Variants in FYB2 observed in about 807,000 individuals in gnomAD.
FYB2 encodes FYN-binding protein 2.
Under a neutral mutation model 94.1 loss-of-function variants are expected in FYB2, and 103 were observed. That is an observed-to-expected ratio of 1.09 (90% CI 0.93 to 1.29). The LOEUF is 1.29. Ranked by LOEUF, FYB2 falls within the 50% of genes most tolerant of loss-of-function variation. The probability of loss-of-function intolerance (pLI) is 0.00; values close to 1 mark genes in which losing one functional copy is unlikely to be tolerated. For synonymous variants in FYB2, 293 were observed against 287.9 expected (o/e 1.02, Z -0.18); for missense variants, 896 against 841.5 (o/e 1.06, Z -0.80).
At chr1:56,790,283 G>A (rs963924809) in intron 2 of FYB2, among the ~76,000 whole-genome samples, 3 of 152,184 alleles carry the variant, frequency 2.0e-5, no homozygotes, top group East Asian at 3.9e-4. Context: ...CACCCACAGC[G>A]GGTTACATCC....
chr1:56,788,958 T>G lies in FYB2; in HGVS notation c.919+15A>C. 6.2e-7 allele frequency: 1 copy of G among 1,613,948 alleles called. No individual in the cohort carries two copies. Among genetic ancestry groups the G allele is most frequent in the Non-Finnish European group, 8.5e-7 (1 of 1,179,904 alleles). On this transcript the variant is annotated intron_variant, in intron 3 of 19. Transcript: ENST00000343433. ...TCCTGGTTGGCCTTGTGTAGGGCCC[T>G]GTGCATTTCCTTACCTTCCCCCTGA...
intron 13 of FYB2, among the ~76,000 whole-genome samples, chr1:56,739,198 G>A (rs1446791445): frequency 2.0e-5 from 3 of 152,066 alleles, no homozygotes; most frequent in Non-Finnish European, 4.4e-5. Context: ...GAATAGTTTT[G>A]AGAGAAAGGT....
At chr1:56,729,704 A>C (rs1160072162) in intron 15 of FYB2, among the ~76,000 whole-genome samples, 1 of 152,104 alleles carries the variant, frequency 6.6e-6, no homozygotes, top group Non-Finnish European at 1.5e-5. Context: ...TCTACAGAAC[A>C]TGTTACTCAT....
chr1:56,727,790 T>C (rs1319522011), intron 15 of FYB2, among the ~76,000 whole-genome samples: 2 of 152,158 alleles, frequency 1.3e-5, no homozygotes, highest in African/African-American at 2.4e-5. Context: ...CAATTCGTTT[T>C]ACCATGTTTT....
intron 1 of FYB2, among the ~76,000 whole-genome samples, chr1:56,807,728 A>G (rs1250138426): frequency 6.6e-6 from 1 of 152,332 alleles, no homozygotes; most frequent in East Asian, 1.9e-4. Context: ...CGTTTTATAG[A>G]TAAAGAAACT....
At chr1:56,819,089 C>T (rs970241122) in intron 1 of FYB2, among the ~76,000 whole-genome samples, 193 bp downstream of exon 1, 1 of 152,174 alleles carries the variant, frequency 6.6e-6, no homozygotes, top group African/African-American at 2.4e-5. Flanking sequence ...ACATGGCACA[C>T]TCCTCTTCCC....
intron 1 of FYB2, among the ~76,000 whole-genome samples, chr1:56,800,262 G>A (rs968907411): frequency 6.6e-6 from 1 of 152,126 alleles, no homozygotes; most frequent in Non-Finnish European, 1.5e-5. Flanking sequence ...ATTAAATATA[G>A]CATCTGAGTC....
chr1:56,750,740 AT>A (rs533646908), intron 9 of FYB2, among the ~76,000 whole-genome samples: 143 of 152,166 alleles, frequency 9.4e-4, no homozygotes, highest in Middle Eastern at 3.4e-3. Context: ...TTTGGTCCTC[AT>A]AAAAGCCCTG....
intron 14 of FYB2, among the ~76,000 whole-genome samples, chr1:56,738,367 G>T (rs1644876270): frequency 6.6e-6 from 1 of 152,076 alleles, no homozygotes; most frequent in South Asian, 2.1e-4. Flanking sequence ...TCTAAAAAGG[G>T]ATGATAACAT....
At chr1:56,750,416 G>C (rs1302525665) in intron 9 of FYB2, among the ~76,000 whole-genome samples, 3 of 151,900 alleles carry the variant, frequency 2.0e-5, no homozygotes, top group Non-Finnish European at 4.4e-5. Flanking sequence ...GCAAAACCAG[G>C]AGTGGAAAAA....
chr1:56,743,587 G>A (rs1288013568), intron 11 of FYB2, among the ~76,000 whole-genome samples: 1 of 151,994 alleles, frequency 6.6e-6, no homozygotes. Context: ...GCTAAAAGAA[G>A]GTCAGCATAA....
In FYB2 at chr1:56,751,319, T is replaced by A; in HGVS notation, c.1228-116A>T. The A allele has an allele frequency of 4.5e-6, 5 of 1,118,968 alleles. No homozygotes were observed. In the South Asian group the frequency reaches 8.5e-5, roughly 19 times the overall value. 69.3% of individuals were successfully genotyped at this position (1,118,968 alleles called of 1,614,324 possible). On this transcript the variant is annotated intron_variant, in intron 8 of 19. Transcript: ENST00000343433. ...TGGATAACAATTATTTATCATTTATTTAACATTGAATAATATCTTACTAGA... is the reference window on the plus strand; with the variant it reads ...TGGATAACAATTATTTATCATTTATATAACATTGAATAATATCTTACTAGA...
chr1:56,724,275 G>T (rs1004133055), intron 16 of FYB2, among the ~76,000 whole-genome samples: 1 of 152,002 alleles, frequency 6.6e-6, no homozygotes, highest in Non-Finnish European at 1.5e-5. Flanking sequence ...AATAAAGAAA[G>T]ATGCCACAAA....
intron 1 of FYB2, among the ~76,000 whole-genome samples, chr1:56,806,039 C>T (rs1302131540): frequency 2.0e-5 from 3 of 152,188 alleles, no homozygotes; most frequent in Non-Finnish European, 4.4e-5. Flanking sequence ...AACAGTGTTT[C>T]CTCTCATCTT....
chr1:56,720,444 A>G (rs1569830792), intron 17 of FYB2, 115 bp from the exon 18 acceptor site: 1 of 851,264 alleles, frequency 1.2e-6, no homozygotes, highest in Admixed American at 3.4e-5. Context: ...ACTATTGACT[A>G]GTTAAATAAC....
chr1:56,771,461 C>T lies in FYB2; in HGVS notation c.954-3523G>A, dbSNP rs1354802646. On this transcript the variant is annotated intron_variant, in intron 4 of 19. Transcript: ENST00000343433. ...AACGTAAGAACATACTAAATGGATACACTCACAAATTCATGATTGGAGTTG... is the reference window on the plus strand; with the variant it reads ...AACGTAAGAACATACTAAATGGATATACTCACAAATTCATGATTGGAGTTG... Among the ~76,000 whole-genome samples the T allele has an allele frequency of 3.9e-5, 6 of 152,148 alleles. 1 individual carries two copies. The highest frequency in any genetic ancestry group is 7.4e-5 in the Non-Finnish European group (5 of 68,014).
intron 17 of FYB2, among the ~76,000 whole-genome samples, chr1:56,721,039 G>A (rs909603991): frequency 6.6e-6 from 1 of 152,000 alleles, no homozygotes; most frequent in Admixed American, 6.6e-5. Flanking sequence ...TTTCAAAGTA[G>A]TAGGAATTGA....
chr1:56,755,158 G>A (rs1429940136), intron 7 of FYB2, among the ~76,000 whole-genome samples: 2 of 152,050 alleles, frequency 1.3e-5, no homozygotes, highest in East Asian at 1.9e-4. Flanking sequence ...ATGTGCCAGG[G>A]CATTCCTCTG....
chr1:56,800,338 ACTGT>A (rs1272714544), intron 1 of FYB2, among the ~76,000 whole-genome samples: 6 of 152,196 alleles, frequency 3.9e-5, no homozygotes, highest in African/African-American at 1.2e-4. Flanking sequence ...TAATGGTGAA[ACTGT>A]CTGTATTCTT....
Sources: gnomAD v4.1 joint callset for allele counts (sites outside exome capture counted in the v4.1 genomes callset) on GRCh38, gnomAD v4.1.1 for gene constraint, MANE v1.5 for transcripts, NCBI Gene and HGNC (gene_info 2026-07-23, HGNC 2026-07-21) for gene names.